Variants in DISP1 observed in about 807,000 individuals in gnomAD.
DISP1 encodes protein dispatched homolog 1.
Under a neutral mutation model 37.3 loss-of-function variants are expected in DISP1, and 30 were observed. That is an observed-to-expected ratio of 0.80 (90% confidence interval 0.60 to 1.09). The LOEUF is 1.09. Among genes scored for constraint, DISP1 ranks in the 50% least tolerant of loss-of-function variants. The pLI, the probability that DISP1 is intolerant of heterozygous loss-of-function variation, is 0.00. For missense variants in DISP1, 1,598 were observed against 1,879.5 expected (o/e 0.85, Z 2.77); for synonymous variants, 634 against 690.2 (o/e 0.92, Z 1.28).
chr1:222,964,225 G>C lies in DISP1; in HGVS notation c.510-18855G>C, dbSNP rs575651339. Among the ~76,000 whole-genome samples, 4 of 151,232 alleles carry C rather than the reference G, an allele frequency of 2.6e-5. No individual in the cohort carries two copies. The East Asian group carries it at 5.9e-4, about 22-fold the overall frequency. On this transcript the variant is annotated intron_variant, in intron 3 of 8. Coordinates refer to ENST00000675850, the MANE Select transcript of DISP1 (RefSeq NM_001377229.1). The stretch of plus-strand genomic sequence containing the variant: ...GAGGCAGGAGAGTCGCTTCAACCTG[G>C]GAGGCGGAGGTTGCAGCAAACCAAG...
At chr1:222,906,867 T>C (rs1007180984) in intron 1 of DISP1, among the ~76,000 whole-genome samples, 3 of 151,252 alleles carry the variant, frequency 2.0e-5, no homozygotes, top group African/African-American at 4.9e-5. Context: ...CCTCTAATTC[T>C]TTCTTGCTCA....
At chr1:222,995,461 G>A (rs1018509401) in intron 8 of DISP1, among the ~76,000 whole-genome samples, 1 of 152,076 alleles carries the variant, frequency 6.6e-6, no homozygotes, top group African/African-American at 2.4e-5. Flanking sequence ...TGGGAAAGGG[G>A]ACATCAAAGA....
At chr1:222,908,233 G>A (rs1672017623) in intron 1 of DISP1, among the ~76,000 whole-genome samples, 1 of 152,154 alleles carries the variant, frequency 6.6e-6, no homozygotes, top group South Asian at 2.1e-4. Flanking sequence ...AGAAGATAAA[G>A]TTATCAATCA....
At chr1:222,889,931 A>T (rs1034759271) in intron 1 of DISP1, among the ~76,000 whole-genome samples, 3 of 152,142 alleles carry the variant, frequency 2.0e-5, no homozygotes, top group African/African-American at 4.8e-5. Context: ...TTTTATTGGC[A>T]TATGTTTCTA....
At chr1:222,869,475 C>G (rs1669395604) in intron 1 of DISP1, among the ~76,000 whole-genome samples, 1 of 152,074 alleles carries the variant, frequency 6.6e-6, no homozygotes, top group African/African-American at 2.4e-5. Context: ...TTATAAGTTT[C>G]TATTTTTTTC....
At chr1:222,984,422 AT>A (rs1282742341) in intron 4 of DISP1, among the ~76,000 whole-genome samples, 1,498 of 20,136 alleles carry the variant, frequency 0.074, 65 homozygotes, top group African/African-American at 0.11. Context: ...AAAAAAAAAA[AT>A]ATATATATAT....
chr1:222,990,893 A>T, intron 5 of DISP1, 145 bp downstream of exon 5: 1 of 1,176,462 alleles, frequency 8.5e-7, no homozygotes, highest in Non-Finnish European at 1.2e-6. Context: ...TAAAGACATG[A>T]CTTTATCTGT....
chr1:222,994,857 T>C, intron 7 of DISP1, 28 bp from the exon 8 acceptor site: 1 of 1,506,798 alleles, frequency 6.6e-7, no homozygotes, highest in Non-Finnish European at 9.2e-7. Context: ...TAAACCTTTT[T>C]CTTTCCTTTT....
chr1:222,990,000 C>T (rs2102737844), intron 4 of DISP1, among the ~76,000 whole-genome samples: 1 of 152,150 alleles, frequency 6.6e-6, no homozygotes, highest in South Asian at 2.1e-4. Flanking sequence ...GACAGGGTTT[C>T]ACCGTGTTAG....
chr1:223,001,075 A>T (rs977210086), intron 8 of DISP1, among the ~76,000 whole-genome samples: 13 of 152,146 alleles, frequency 8.5e-5, no homozygotes, highest in Non-Finnish European at 1.9e-4. Flanking sequence ...AAGAGGGGCT[A>T]CTCATCTAAT....
intron 1 of DISP1, among the ~76,000 whole-genome samples, chr1:222,816,168 A>G (rs1374181359): frequency 6.6e-6 from 1 of 151,472 alleles, no homozygotes; most frequent in Non-Finnish European, 1.5e-5. Context: ...TTACACGCAC[A>G]TTAGCACATT....
At chr1:222,912,288 A>C (rs1217621375) in intron 1 of DISP1, among the ~76,000 whole-genome samples, 1 of 152,184 alleles carries the variant, frequency 6.6e-6, no homozygotes, top group African/African-American at 2.4e-5. Flanking sequence ...ATAGAGTAGC[A>C]ATTTGGACCG....
At chr1:222,831,072 A>G (rs1396085593) in intron 1 of DISP1, 1 of 152,202 alleles carries the variant, frequency 6.6e-6, no homozygotes, top group Non-Finnish European at 1.5e-5. Context: ...TTTACTATTA[A>G]AATTGTTCCT....
chr1:222,911,182 T>C (rs1358300323), intron 1 of DISP1, among the ~76,000 whole-genome samples: 1 of 152,236 alleles, frequency 6.6e-6, no homozygotes, highest in Non-Finnish European at 1.5e-5. Context: ...CTCTTTGTAT[T>C]ATATCAGCTT....
intron 1 of DISP1, among the ~76,000 whole-genome samples, chr1:222,879,052 TAG>T (rs992717965): frequency 7.9e-5 from 12 of 152,172 alleles, no homozygotes; most frequent in African/African-American, 2.2e-4. Flanking sequence ...TTGGAGCAGT[TAG>T]AGAGTCTGTC....
At chr1:222,826,564 CT>C (rs1664502823) in intron 1 of DISP1, among the ~76,000 whole-genome samples, 1 of 151,310 alleles carries the variant, frequency 6.6e-6, no homozygotes, top group Non-Finnish European at 1.5e-5. Context: ...TGTTTTTTAA[CT>C]TCTTACAGAG....
chr1:222,845,838 T>A (rs1489176247), intron 1 of DISP1, among the ~76,000 whole-genome samples: 3 of 152,310 alleles, frequency 2.0e-5, no homozygotes, highest in African/African-American at 7.2e-5. Context: ...TTTTTGGAAA[T>A]GTACTAGCCA....
At chr1:222,936,822 A>AAT (rs1673845525) in intron 2 of DISP1, among the ~76,000 whole-genome samples, 1 of 41,364 alleles carries the variant, frequency 2.4e-5, no homozygotes, top group Non-Finnish European at 4.3e-5. Flanking sequence ...ATTATATATA[A>AAT]TATATATAAA....
At chr1:222,986,360 T>C (rs1678275765) in intron 4 of DISP1, among the ~76,000 whole-genome samples, 1 of 152,222 alleles carries the variant, frequency 6.6e-6, no homozygotes, top group South Asian at 2.1e-4. Flanking sequence ...AATGTTATTG[T>C]AATATAAATG....
Sources: allele counts gnomAD v4.1 joint callset (sites outside exome capture counted in the v4.1 genomes callset), GRCh38; gene constraint gnomAD v4.1.1; transcripts MANE v1.5; gene names NCBI Gene and HGNC (gene_info 2026-07-23, HGNC 2026-07-21).